LRFN2: variants seen among roughly 807,000 people sequenced by gnomAD.
LRFN2 encodes the protein leucine-rich repeat and fibronectin type-III domain-containing protein 2.
Under a neutral mutation model 37.3 loss-of-function variants are expected in LRFN2, and 18 were observed. That is an observed-to-expected ratio of 0.48 (90% CI 0.33 to 0.72). The LOEUF is 0.72. Among genes scored for constraint, LRFN2 ranks in the 30% least tolerant of loss-of-function variants. The pLI, the probability that LRFN2 is intolerant of heterozygous loss-of-function variation, is 0.02. For missense variants in LRFN2, 1,006 were observed against 1,060.7 expected (o/e 0.95, Z 0.72); for synonymous variants, 556 against 466.6 (o/e 1.19, Z -2.47).
chr6:40,431,093 T>C (rs1405989451), intron 2 of LRFN2, among the ~76,000 whole-genome samples: 1 of 151,752 alleles, frequency 6.6e-6, no homozygotes, highest in African/African-American at 2.4e-5. Flanking sequence ...TCTCCCTCCC[T>C]TTCTCTCTCT....
chr6:40,455,088 A>C (rs1172934109), intron 1 of LRFN2, among the ~76,000 whole-genome samples: 1 of 152,204 alleles, frequency 6.6e-6, no homozygotes. Flanking sequence ...TTGCTTTTAT[A>C]ATAAGAAGAA....
Position 40,392,425 on chromosome 6 carries a change from C to A in LRFN2, c.1888G>T (p.Gly630Trp). 1 of 1,567,922 alleles carries A rather than the reference C, an allele frequency of 6.4e-7. No homozygotes were observed. The highest frequency in any genetic ancestry group is 2.4e-5 in the East Asian group (1 of 41,996). ...DSSSSSSLGS[G>W]EAAGLGRAPW... ...GCCCGTCCCAGCCCCGCAGCCTCCC[C>A]ACTGCCCAGGGAGCTGGAGGAAGAG... is the stretch of plus-strand genomic sequence containing the variant. Residue 630 changes from glycine to tryptophan, a missense_variant, in exon 3 of 3, where the codon GGG (glycine) becomes TGG (tryptophan). By Grantham distance (184) the Gly-to-Trp change is radical. Transcript: ENST00000338305. The surrounding 1 kb of genome is among the most constrained non-coding windows in gnomAD (Gnocchi z 4.7).
chr6:40,440,714 G>A (rs1044688266), intron 1 of LRFN2, among the ~76,000 whole-genome samples: 12 of 152,082 alleles, frequency 7.9e-5, no homozygotes, highest in Admixed American at 4.6e-4. Context: ...CCTCCTGGGT[G>A]GGATAACTCC....
chr6:40,538,743 GC>G (rs1390561711), intron 1 of LRFN2, among the ~76,000 whole-genome samples: 1 of 152,208 alleles, frequency 6.6e-6, no homozygotes, highest in Non-Finnish European at 1.5e-5. Context: ...CTCTCCACCT[GC>G]CCCCGGTCTC....
intron 1 of LRFN2, among the ~76,000 whole-genome samples, chr6:40,560,934 T>G (rs1342320749): frequency 6.6e-6 from 1 of 152,198 alleles, no homozygotes; most frequent in Non-Finnish European, 1.5e-5. Flanking sequence ...TCTAATTGCT[T>G]TGGGCCTCTG....
chr6:40,400,730 G>A (rs1382826961), intron 2 of LRFN2, among the ~76,000 whole-genome samples: 1 of 151,728 alleles, frequency 6.6e-6, no homozygotes. Context: ...CTGGAGAGGT[G>A]TTTTTCTATA....
At chr6:40,496,288 C>T (rs867961181) in intron 1 of LRFN2, among the ~76,000 whole-genome samples, 37 of 152,274 alleles carry the variant, frequency 2.4e-4, no homozygotes, top group African/African-American at 7.9e-4. Context: ...TCTGGCCCAC[C>T]TCCAACGTGT....
intron 1 of LRFN2, among the ~76,000 whole-genome samples, chr6:40,500,357 C>T (rs931395003): frequency 1.3e-5 from 2 of 152,244 alleles, no homozygotes; most frequent in African/African-American, 4.8e-5. Flanking sequence ...CTGTGGCATT[C>T]CCTCTGGCTT....
chr6:40,584,528 A>C (rs1052772055), intron 1 of LRFN2, among the ~76,000 whole-genome samples: 11 of 152,178 alleles, frequency 7.2e-5, no homozygotes, highest in African/African-American at 2.4e-4. Flanking sequence ...GTCCAATTCC[A>C]CTTGGCCATC....
At chr6:40,579,519 A>T (rs1263621658) in intron 1 of LRFN2, among the ~76,000 whole-genome samples, 1 of 19,026 alleles carries the variant, frequency 5.3e-5, no homozygotes, top group Non-Finnish European at 9.5e-5. Flanking sequence ...CACCATCATC[A>T]TTATCATCAT....
chr6:40,538,648 C>T (rs1411350073), intron 1 of LRFN2, among the ~76,000 whole-genome samples: 1 of 152,246 alleles, frequency 6.6e-6, no homozygotes, highest in Non-Finnish European at 1.5e-5. Context: ...CTACTGGCAC[C>T]TCCCCGGGGC....
Position 40,567,684 on chromosome 6 carries a change from G to A in LRFN2, c.-19+19257C>T, listed in dbSNP as rs571015719. On this transcript the variant is annotated intron_variant, in intron 1 of 2. Transcript: ENST00000338305. Reference sequence around the variant, plus strand: ...GAACTTACATTGAGCATTGACTATGGACATGTTTGTATACAAGCACTTTGC... The same window carrying A: ...GAACTTACATTGAGCATTGACTATGAACATGTTTGTATACAAGCACTTTGC... Among the ~76,000 whole-genome samples, 5 of 152,334 alleles carry A rather than the reference G, an allele frequency of 3.3e-5. No individual in the cohort carries two copies. The South Asian group carries it at 1.0e-3, about 32-fold the overall frequency.
At chr6:40,495,076 C>T (rs1765194355) in intron 1 of LRFN2, among the ~76,000 whole-genome samples, 1 of 152,218 alleles carries the variant, frequency 6.6e-6, no homozygotes, top group Admixed American at 6.5e-5. Flanking sequence ...TAGACTAGTT[C>T]TAATAACTGG....
chr6:40,526,250 T>G (rs1766251991), intron 1 of LRFN2, among the ~76,000 whole-genome samples: 1 of 152,182 alleles, frequency 6.6e-6, no homozygotes, highest in South Asian at 2.1e-4. Flanking sequence ...AACACTACAG[T>G]TTGGCCTTTA....
intron 1 of LRFN2, among the ~76,000 whole-genome samples, chr6:40,443,811 C>A (rs908250153): frequency 6.6e-6 from 1 of 152,050 alleles, no homozygotes; most frequent in East Asian, 1.9e-4. Flanking sequence ...CAGTGGGTGG[C>A]AACAGAGGGG....
chr6:40,404,809 C>G (rs1386557935), intron 2 of LRFN2, among the ~76,000 whole-genome samples: 1 of 152,196 alleles, frequency 6.6e-6, no homozygotes, highest in African/African-American at 2.4e-5. Context: ...GAGCAGTTCC[C>G]CATTCTCTCT....
chr6:40,399,364 CT>C (rs1762682272), intron 2 of LRFN2, among the ~76,000 whole-genome samples: 1 of 151,350 alleles, frequency 6.6e-6, no homozygotes, highest in South Asian at 2.1e-4. Flanking sequence ...TTGTTGACCT[CT>C]GAGCAGCTCC....
intron 1 of LRFN2, among the ~76,000 whole-genome samples, chr6:40,508,474 G>A (rs1209235389): frequency 6.6e-6 from 1 of 152,120 alleles, no homozygotes; most frequent in African/African-American, 2.4e-5. Flanking sequence ...AGAGGACCCT[G>A]GTATTTTCTC....
chr6:40,449,655 A>G (rs761773687), intron 1 of LRFN2, among the ~76,000 whole-genome samples: 2 of 152,238 alleles, frequency 1.3e-5, no homozygotes, highest in African/African-American at 4.8e-5. Context: ...GCACCACCAT[A>G]TAGCCCTGAA....
Sources: gnomAD v4.1 joint callset for allele counts (sites outside exome capture counted in the v4.1 genomes callset) on GRCh38, gnomAD v4.1.1 for gene constraint, Gnocchi (gnomAD v3.1) non-coding constraint, MANE v1.5 for transcripts, NCBI Gene and HGNC (gene_info 2026-07-23, HGNC 2026-07-21) for gene names.